GALNT9: variants seen among roughly 807,000 people sequenced by gnomAD.
GALNT9 encodes the protein polypeptide N-acetylgalactosaminyltransferase 9.
A neutral mutation model predicts 63.1 loss-of-function variants in GALNT9; 47 were observed. That is an observed-to-expected ratio of 0.75 (90% CI 0.59 to 0.95). GALNT9 has a LOEUF of 0.95. Among genes scored for constraint, GALNT9 ranks in the 40% least tolerant of loss-of-function variants. The pLI, the probability that GALNT9 is intolerant of heterozygous loss-of-function variation, is 0.00. For missense variants in GALNT9, 829 were observed against 874.8 expected (o/e 0.95, Z 0.66); for synonymous variants, 396 against 365.7 (o/e 1.08, Z -0.94).
rs1485660733 is a variant in GALNT9, at chr12:132,265,968, TA to T, written c.420-3344del. 2.0e-5 allele frequency among the ~76,000 whole-genome samples: 3 copies of T among 151,388 alleles called. No individual in the cohort carries two copies. Among genetic ancestry groups the T allele is most frequent in the Non-Finnish European group, 4.4e-5 (3 of 68,036 alleles). ...TGCCTTTACACGCCCGACCTCGCCGTATTTCATGAACAGGCACGCACAGCCA... is the reference window on the plus strand; with the variant it reads ...TGCCTTTACACGCCCGACCTCGCCGTTTTCATGAACAGGCACGCACAGCCA... On this transcript the variant is annotated intron_variant, in intron 2 of 10. Transcript: ENST00000328957. This position sits in a 1 kb window ranked among gnomAD's most constrained non-coding sequence, Gnocchi z 5.3.
intron 1 of GALNT9, among the ~76,000 whole-genome samples, chr12:132,318,819 C>T (rs575036229): frequency 6.6e-5 from 10 of 152,242 alleles, no homozygotes; most frequent in Admixed American, 1.3e-4. Flanking sequence ...TGCCCCAGCC[C>T]GGGCCAGTTA....
In GALNT9 at chr12:132,265,630, C is replaced by A. The variant is rs1343880449; in HGVS notation, c.420-3005G>T. ...AGCAGCCCCACAGGACACCAGCCGA[C>A]AGCCGGATGCTTACAAGTTCCTGAT... is the stretch of plus-strand genomic sequence containing the variant. On this transcript the variant is annotated intron_variant, in intron 2 of 10. Transcript: ENST00000328957. The surrounding 1 kb of genome is among the most constrained non-coding windows in gnomAD (Gnocchi z 5.3). Among the ~76,000 whole-genome samples, 1 of 152,212 alleles carries A rather than the reference C, an allele frequency of 6.6e-6. No individual in the cohort carries two copies. Among genetic ancestry groups the A allele is most frequent in the East Asian group, 1.9e-4 (1 of 5,206 alleles).
chr12:132,208,403 C>G (rs1441692094), intron 6 of GALNT9, among the ~76,000 whole-genome samples: 2 of 152,250 alleles, frequency 1.3e-5, no homozygotes, highest in Non-Finnish European at 2.9e-5. Context: ...CTTCTGGCGT[C>G]TGTGTGTGCA....
At chr12:132,280,816 C>G (rs1238369496) in intron 2 of GALNT9, 1 of 152,292 alleles carries the variant, frequency 6.6e-6, no homozygotes, top group Non-Finnish European at 1.5e-5. Context: ...GAGGTTTCCA[C>G]TCTTTTTCTG....
At chr12:132,198,122 G>C (rs1055563982) in intron 9 of GALNT9, among the ~76,000 whole-genome samples, 163 bp from the exon 10 acceptor site, 4 of 152,232 alleles carry the variant, frequency 2.6e-5, no homozygotes, top group Non-Finnish European at 5.9e-5. Flanking sequence ...GAGGACCGCC[G>C]GGCAGGGCCC....
intron 6 of GALNT9, among the ~76,000 whole-genome samples, chr12:132,205,012 C>T (rs1808614932): frequency 6.6e-6 from 1 of 152,064 alleles, no homozygotes; most frequent in African/African-American, 2.4e-5. Context: ...GAGAAGGTGC[C>T]GAGGCCGAGG....
intron 1 of GALNT9, among the ~76,000 whole-genome samples, chr12:132,326,574 C>T (rs1296816479): frequency 6.6e-6 from 1 of 152,232 alleles, no homozygotes; most frequent in Non-Finnish European, 1.5e-5. Flanking sequence ...GCTCCTCCAG[C>T]TCCCATGAAG....
At chr12:132,284,001 G>C (rs142678720) in intron 2 of GALNT9, 1 of 152,232 alleles carries the variant, frequency 6.6e-6, no homozygotes, top group African/African-American at 2.4e-5. Context: ...CAGCAGTGGG[G>C]CTAGCCCTGA....
intron 2 of GALNT9, among the ~76,000 whole-genome samples, chr12:132,284,772 A>G (rs1277045364): frequency 6.6e-6 from 1 of 152,218 alleles, no homozygotes; most frequent in Non-Finnish European, 1.5e-5. Context: ...ACCTAGAATC[A>G]GTCCCCAGCA....
rs1364653610 is a variant in GALNT9 at position 132,316,939 on chromosome 12, C to T, written c.238+12027G>A. Among the ~76,000 whole-genome samples the T allele has an allele frequency of 6.6e-6, 1 of 150,960 alleles. No individual in the cohort carries two copies. Among genetic ancestry groups the T allele is most frequent in the Non-Finnish European group, 1.5e-5 (1 of 67,654 alleles). ...AGAGCACAGCCTGCATCCTACACCC[C>T]ACAGAGCACAGCCTGCACCCTACAC... On this transcript the variant is annotated intron_variant, in intron 1 of 10. Transcript: ENST00000328957. The surrounding 1 kb of genome is among the most constrained non-coding windows in gnomAD (Gnocchi z 4.3).
At chr12:132,312,496 G>C (rs1390929297) in intron 1 of GALNT9, among the ~76,000 whole-genome samples, 1 of 152,234 alleles carries the variant, frequency 6.6e-6, no homozygotes, top group Non-Finnish European at 1.5e-5. Context: ...GAGAGGACCA[G>C]AGTGGTTGGG....
chr12:132,240,734 A>C (rs2136899344), intron 6 of GALNT9: 1 of 455,828 alleles, frequency 2.2e-6, no homozygotes, highest in Non-Finnish European at 4.4e-6. Context: ...GTTTCCTGGG[A>C]AGTTACCAGA....
intron 6 of GALNT9, among the ~76,000 whole-genome samples, chr12:132,210,974 G>A (rs1876935260): frequency 6.6e-6 from 1 of 152,066 alleles, no homozygotes; most frequent in African/African-American, 2.4e-5. Context: ...CATCACACTT[G>A]AGAGGTGCGC....
chr12:132,292,864 T>C (rs1370989149), intron 1 of GALNT9, among the ~76,000 whole-genome samples: 1 of 152,164 alleles, frequency 6.6e-6, no homozygotes, highest in African/African-American at 2.4e-5. Flanking sequence ...ATGAGAGCTG[T>C]GCGGAGGACG....
intron 1 of GALNT9, among the ~76,000 whole-genome samples, chr12:132,322,930 G>A (rs894078858): frequency 1.5e-4 from 23 of 152,186 alleles, no homozygotes; most frequent in South Asian, 2.1e-4. Flanking sequence ...TCTCCTGGCC[G>A]TCCCGTACGG....
chr12:132,200,027 C>T (rs1033808139), intron 8 of GALNT9, among the ~76,000 whole-genome samples: 1 of 152,132 alleles, frequency 6.6e-6, no homozygotes, highest in Admixed American at 6.5e-5. Flanking sequence ...GGTGCCTGCA[C>T]TTGGCTAATT....
chr12:132,325,900 G>A (rs56287428), intron 1 of GALNT9, among the ~76,000 whole-genome samples: 15 of 152,284 alleles, frequency 9.9e-5, no homozygotes, highest in African/African-American at 3.6e-4. Flanking sequence ...GCGCCAGGCA[G>A]GGGTGATTCT....
chr12:132,223,306 A>C (rs1240149724), intron 6 of GALNT9, among the ~76,000 whole-genome samples: 2 of 51,612 alleles, frequency 3.9e-5, no homozygotes, highest in Non-Finnish European at 8.1e-5. Context: ...ACCCCACACA[A>C]CCCACACCCC....
intron 1 of GALNT9, among the ~76,000 whole-genome samples, chr12:132,326,581 G>C (rs1374459227): frequency 6.6e-6 from 1 of 152,172 alleles, no homozygotes; most frequent in Non-Finnish European, 1.5e-5. Flanking sequence ...CAGCTCCCAT[G>C]AAGACGTGGA....
Sources: allele counts gnomAD v4.1 joint callset (sites outside exome capture counted in the v4.1 genomes callset), GRCh38; gene constraint gnomAD v4.1.1; non-coding constraint Gnocchi (gnomAD v3.1); transcripts MANE v1.5; gene names NCBI Gene and HGNC (gene_info 2026-07-23, HGNC 2026-07-21).